CA10: variants seen among roughly 807,000 people sequenced by gnomAD.
CA10 encodes carbonic anhydrase-related protein 10.
A neutral mutation model predicts 44.2 loss-of-function variants in CA10; 14 were observed. The ratio of observed to expected loss-of-function variants is 0.32; its 90% CI spans 0.21 to 0.50. The LOEUF is 0.50. Among genes scored for constraint, CA10 ranks in the 20% least tolerant of loss-of-function variants. CA10 has a pLI of 0.99. For missense variants in CA10, 350 were observed against 409.7 expected (o/e 0.85, Z 1.26); for synonymous variants, 159 against 141.6 (o/e 1.12, Z -0.87).
chr17:51,778,297 G>A (rs1905910727), intron 3 of CA10, among the ~76,000 whole-genome samples: 1 of 152,164 alleles, frequency 6.6e-6, no homozygotes, highest in Non-Finnish European at 1.5e-5. Context: ...CACATGAAAA[G>A]CTCTCCCCAG....
At chr17:51,681,632 C>T (rs923660922) in intron 4 of CA10, among the ~76,000 whole-genome samples, 2 of 152,146 alleles carry the variant, frequency 1.3e-5, no homozygotes, top group African/African-American at 2.4e-5. Context: ...GCAATATGGT[C>T]CTCGATCGAG....
At chr17:51,928,799 C>T (rs1982532821) in intron 3 of CA10, among the ~76,000 whole-genome samples, 1 of 152,178 alleles carries the variant, frequency 6.6e-6, no homozygotes. Context: ...AAGTTTCCAA[C>T]TCATTAAACA....
chr17:52,093,424 C>G (rs192865111), intron 1 of CA10, among the ~76,000 whole-genome samples: 1 of 152,194 alleles, frequency 6.6e-6, no homozygotes, highest in Admixed American at 6.5e-5. Flanking sequence ...ACATCCTGAC[C>G]GAAACCATCA....
intron 2 of CA10, among the ~76,000 whole-genome samples, chr17:51,970,268 T>C (rs979863552): frequency 1.3e-5 from 2 of 152,044 alleles, no homozygotes; most frequent in African/African-American, 4.8e-5. Flanking sequence ...AATTTAATTT[T>C]ATGAGAGTGT....
At chr17:51,692,925 G>A (rs1283599358) in intron 4 of CA10, among the ~76,000 whole-genome samples, 1 of 152,180 alleles carries the variant, frequency 6.6e-6, no homozygotes, top group Non-Finnish European at 1.5e-5. Context: ...TGTTTCCACT[G>A]GTTTTGAATG....
chr17:51,793,593 G>C (rs768296963), intron 3 of CA10, among the ~76,000 whole-genome samples: 1 of 152,208 alleles, frequency 6.6e-6, no homozygotes, highest in Non-Finnish European at 1.5e-5. Flanking sequence ...AAGTTTGTTT[G>C]GTTAGAGGTT....
At chr17:51,787,682 G>T (rs557499892) in intron 3 of CA10, among the ~76,000 whole-genome samples, 4 of 152,002 alleles carry the variant, frequency 2.6e-5, no homozygotes, top group Non-Finnish European at 5.9e-5. Context: ...ATTTTTAGTA[G>T]AGATGGGGTT....
At chr17:52,118,545 A>G (rs982055586) in intron 1 of CA10, among the ~76,000 whole-genome samples, 2 of 152,108 alleles carry the variant, frequency 1.3e-5, no homozygotes, top group African/African-American at 4.8e-5. Flanking sequence ...GATGCTACAG[A>G]TGGCCCCTGG....
intron 3 of CA10, among the ~76,000 whole-genome samples, chr17:51,757,835 G>A (rs1905118820): frequency 6.6e-6 from 1 of 152,162 alleles, no homozygotes; most frequent in Non-Finnish European, 1.5e-5. Context: ...TGGTGGCAGA[G>A]GGTGTGGAGC....
rs929628972 is a variant in CA10, at chr17:51,951,160, A to C, written c.137-20028T>G. 2.6e-5 allele frequency among the ~76,000 whole-genome samples: 4 copies of C among 152,196 alleles called. No individual in the cohort carries two copies. The East Asian group carries it at 7.7e-4, about 29-fold the overall frequency. ...TGTAATGTAGCAGGAAACTCTCCTG[A>C]AAGTTCTCAGGTTCCTCCTCCAAGA... On this transcript the variant is annotated intron_variant, in intron 2 of 8. Coordinates refer to ENST00000451037, the MANE Select transcript of CA10 (RefSeq NM_020178.5).
chr17:51,644,800 CT>C (rs148441183), intron 6 of CA10, among the ~76,000 whole-genome samples: 3,902 of 121,046 alleles, frequency 0.032, 97 homozygotes, highest in African/African-American at 0.089. Context: ...CATTTCTTGG[CT>C]TTTTTTTTTT....
chr17:52,134,841 C>A (rs367587179), intron 1 of CA10: 12 of 518,748 alleles, frequency 2.3e-5, no homozygotes, highest in Non-Finnish European at 4.2e-5. Flanking sequence ...TCCTCCACCC[C>A]ATGCATGAGC....
At chr17:51,959,209 CTTTTTTT>C (rs112948472) in intron 2 of CA10, among the ~76,000 whole-genome samples, 1 of 122,296 alleles carries the variant, frequency 8.2e-6, no homozygotes, top group African/African-American at 3.0e-5. Flanking sequence ...GGAAGACATT[CTTTTTTT>C]TTTTTTTTTT....
intron 3 of CA10, among the ~76,000 whole-genome samples, chr17:51,807,170 A>T (rs1199542053): frequency 6.6e-6 from 1 of 152,184 alleles, no homozygotes; most frequent in East Asian, 1.9e-4. Context: ...TCCCTGTAGA[A>T]AGCAATGGTT....
At chr17:51,675,474 A>C (rs766724614) in intron 4 of CA10, among the ~76,000 whole-genome samples, 1 of 150,828 alleles carries the variant, frequency 6.6e-6, no homozygotes, top group Non-Finnish European at 1.5e-5. Flanking sequence ...GCTTGAACCC[A>C]GGAGGCAGAG....
At chr17:51,670,120 C>T (rs949702959) in intron 4 of CA10, among the ~76,000 whole-genome samples, 2 of 152,180 alleles carry the variant, frequency 1.3e-5, no homozygotes, top group African/African-American at 2.4e-5. Flanking sequence ...CCCCTAGCCA[C>T]GTGGAACTGC....
At chr17:51,808,973 T>G (rs1907248538) in intron 3 of CA10, among the ~76,000 whole-genome samples, 1 of 152,182 alleles carries the variant, frequency 6.6e-6, no homozygotes, top group South Asian at 2.1e-4. Context: ...GTATTCTGTT[T>G]TTCAAAGCTA....
At chr17:51,975,966 T>A (rs1156857741) in intron 2 of CA10, among the ~76,000 whole-genome samples, 1 of 151,104 alleles carries the variant, frequency 6.6e-6, no homozygotes, top group African/African-American at 2.4e-5. Context: ...AGGAAAGGGA[T>A]GGAGAAAACA....
In CA10 at chr17:51,649,456, A is replaced by G. The variant is rs1195167364; in HGVS notation, c.562-202T>C. On this transcript the variant is annotated intron_variant, in intron 5 of 8. Coordinates refer to ENST00000451037, the MANE Select transcript of CA10 (RefSeq NM_020178.5). ...TAGAGAGGAAGACAGGTAAGTGAACAAACTGTTCTCATATAGTGTGAAGAG... is the reference window on the plus strand; with the variant it reads ...TAGAGAGGAAGACAGGTAAGTGAACGAACTGTTCTCATATAGTGTGAAGAG... 6.6e-5 allele frequency among the ~76,000 whole-genome samples: 10 copies of G among 152,316 alleles called. No individual in the cohort carries two copies. The East Asian group carries it at 1.9e-3, about 29-fold the overall frequency.
Sources: allele counts gnomAD v4.1 joint callset (sites outside exome capture counted in the v4.1 genomes callset), GRCh38; gene constraint gnomAD v4.1.1; transcripts MANE v1.5; gene names NCBI Gene and HGNC (gene_info 2026-07-23, HGNC 2026-07-21).